The following SEMA4B variants were observed in gnomAD, a reference collection of about 807,000 sequenced individuals.
SEMA4B encodes the protein semaphorin-4B.
Under a neutral mutation model 88.1 loss-of-function variants are expected in SEMA4B, and 55 were observed. That is an observed-to-expected ratio of 0.62 (90% CI 0.50 to 0.78). The LOEUF is 0.78. Among genes scored for constraint, SEMA4B ranks in the 30% least tolerant of loss-of-function variants. The pLI is 0.00. For missense variants in SEMA4B, 1,062 were observed against 1,111.9 expected, an observed-to-expected ratio of 0.96 and a Z score of 0.64; for synonymous variants, 525 against 473.6, an observed-to-expected ratio of 1.11 and a Z score of -1.41.
At position 90,219,814 on chromosome 15, in the gene SEMA4B, A is replaced by G. The variant is rs760295450; in HGVS notation, c.406A>G (p.Lys136Glu). The G allele has an allele frequency of 6.2e-7, 1 of 1,613,496 alleles. No homozygotes were observed. The highest frequency in any genetic ancestry group is 1.7e-4 in the Middle Eastern group (1 of 6,058). Residue 136 changes from lysine to glutamate, a missense_variant, in exon 4 of 14, where the codon AAG becomes GAG. By Grantham distance (56) the Lys-to-Glu change is moderately conservative (BLOSUM62 1). Transcript: ENST00000411539. ...CCAGCGCGACTGTCAAAACTACATCAAGATCCTCCTGCCGCTCAGCGGCAG... is the reference window on the plus strand; with the variant it reads ...CCAGCGCGACTGTCAAAACTACATCGAGATCCTCCTGCCGCTCAGCGGCAG... The part of the protein sequence containing the change: ...DPQRDCQNYI[K>E]ILLPLSGSHL...
rs575224176 is a variant in SEMA4B, at chr15:90,229,586, T to C, written c.*943T>C. 3.1e-4 allele frequency: 107 copies of C among 339,886 alleles called. No individual in the cohort carries two copies. Among genetic ancestry groups the C allele is most frequent in the Admixed American group, 1.2e-3 (28 of 23,566 alleles). The allele number at this position is 339,886 out of a possible 1,614,324, so 21.1% of individuals were successfully genotyped here. ...GCCCAGCACAGGGGCCCTGAATTTA[T>C]GTGGTTTTTATACATTTTTTAATAA... On this transcript the variant is annotated 3_prime_UTR_variant, in exon 14 of 14. Coordinates refer to ENST00000411539, the MANE Select transcript of SEMA4B (RefSeq NM_198925.4).
intron 1 of SEMA4B, among the ~76,000 whole-genome samples, chr15:90,186,613 T>G (rs1238305690): frequency 2.0e-5 from 3 of 147,880 alleles, no homozygotes; most frequent in African/African-American, 7.5e-5. Context: ...AGAGTGAAAC[T>G]CCATCTCAAA....
At chr15:90,218,499 A>T (rs1277709650) in intron 3 of SEMA4B, among the ~76,000 whole-genome samples, 2 of 152,216 alleles carry the variant, frequency 1.3e-5, no homozygotes, top group African/African-American at 4.8e-5. Context: ...TTAATTGTGA[A>T]AAAGCAGGCT....
In SEMA4B at chr15:90,225,361, A is replaced by G. The variant is rs999780183; in HGVS notation, c.1485A>G (p.Gly495=). 3.2e-6 allele frequency: 5 copies of G among 1,554,356 alleles called. No homozygotes were observed. In the African/African-American group the frequency reaches 4.1e-5, roughly 13 times the overall value. ...IIEELQIFSS[G]QPVQNLLLDT... ...AGGAGCTGCAGATCTTCTCATCGGG[A>G]CAGCCCGTGCAGAATCTGCTCCTGG... Residue 495 remains glycine (G), a synonymous_variant, in exon 11 of 14, where the codon GGA becomes GGG. Coordinates refer to ENST00000411539, the MANE Select transcript of SEMA4B (RefSeq NM_198925.4).
chr15:90,186,446 C>T (rs1467713878), intron 1 of SEMA4B, among the ~76,000 whole-genome samples: 1 of 150,412 alleles, frequency 6.6e-6, no homozygotes, highest in Non-Finnish European at 1.5e-5. Flanking sequence ...GTGGTGAAAC[C>T]TCGTCTCTAG....
intron 9 of SEMA4B, 142 bp from the exon 10 acceptor site, chr15:90,224,826 G>C (rs565146137): frequency 1.4e-6 from 1 of 703,138 alleles, no homozygotes; most frequent in Admixed American, 2.1e-5. Flanking sequence ...GTGCACACTG[G>C]CTCTGTAGAG....
In SEMA4B at chr15:90,206,876, T is replaced by A. The variant is rs1389505719; in HGVS notation, c.157+5141T>A. 3 of 713,150 alleles carry A rather than the reference T, an allele frequency of 4.2e-6. No individual in the cohort carries two copies. The East Asian group carries it at 7.9e-5, about 19-fold the overall frequency. The allele number at this position is 713,150 out of a possible 1,614,324, so 44.2% of individuals were successfully genotyped here. ...GACAGAGAGGGGAAACCCCGTAAAG[T>A]GGTTGGTTGCAGTTGTATAGTAGTT... On this transcript the variant is annotated intron_variant, in intron 1 of 13. Coordinates refer to ENST00000411539, the MANE Select transcript of SEMA4B (RefSeq NM_198925.4).
intron 1 of SEMA4B, among the ~76,000 whole-genome samples, chr15:90,187,384 A>G (rs1960195743): frequency 6.6e-6 from 1 of 152,222 alleles, no homozygotes. Flanking sequence ...GCTAGAGCAG[A>G]AGACATTTGC....
upstream of SEMA4B, among the ~76,000 whole-genome samples, chr15:90,198,312 T>TC (rs1158431777): frequency 6.6e-6 from 1 of 152,196 alleles, no homozygotes; most frequent in Non-Finnish European, 1.5e-5. Flanking sequence ...CAAGTTGCAT[T>TC]CATTCATTCA....
intron 1 of SEMA4B, among the ~76,000 whole-genome samples, chr15:90,209,605 C>A (rs746022675): frequency 6.6e-6 from 1 of 152,002 alleles, no homozygotes; most frequent in Non-Finnish European, 1.5e-5. Context: ...AGACCCTCCT[C>A]ATCATCATCA....
intron 2 of SEMA4B, 48 bp from the exon 3 acceptor site, chr15:90,217,719 A>G: frequency 6.3e-7 from 1 of 1,599,128 alleles, no homozygotes; most frequent in Non-Finnish European, 8.6e-7. Flanking sequence ...AGGGAGGCTC[A>G]GCAAACCCTC....
At chr15:90,185,160 G>T (rs1462001792) in intron 1 of SEMA4B, 20 of 796,274 alleles carry the variant, frequency 2.5e-5, no homozygotes, top group Non-Finnish European at 3.0e-5. Context: ...CCGCGCAGCC[G>T]CTGCCCCCAC....
Position 90,219,839 on chromosome 15 carries a change from G to C in SEMA4B, c.431G>C (p.Ser144Thr), listed in dbSNP as rs2151617658. ...AAGATCCTCCTGCCGCTCAGCGGCA[G>C]TCACCTGTTCACCTGTGGCACAGCA... The part of the protein sequence containing the change: ...YIKILLPLSG[S>T]HLFTCGTAAF... The change falls in exon 4 of 14, where the codon AGT becomes ACT. Residue 144 changes from serine (S) to threonine (T), a missense_variant. Physicochemically the swap from Ser to Thr is moderately conservative, Grantham distance 58. Coordinates refer to ENST00000411539, the MANE Select transcript of SEMA4B (RefSeq NM_198925.4). The C allele has an allele frequency of 6.2e-7, 1 of 1,613,618 alleles. No individual in the cohort carries two copies. Among genetic ancestry groups the C allele is most frequent in the Non-Finnish European group, 8.5e-7 (1 of 1,179,810 alleles).
chr15:90,225,729 G>C lies in SEMA4B; in HGVS notation c.1590G>C (p.Arg530Ser), dbSNP rs777163451. The change falls in exon 12 of 14, where the codon AGG (arginine) becomes AGC (serine). Residue 530 changes from arginine to serine, a missense_variant. Physicochemically the swap from Arg to Ser is moderately radical, Grantham distance 110. Coordinates refer to ENST00000411539, the MANE Select transcript of SEMA4B (RefSeq NM_198925.4). Reference sequence around the variant, plus strand: ...CCATGGCCAACTGCAGCCTGTACAGGAGCTGTGGGGACTGCCTCCTCGCCC... The same window carrying C: ...CCATGGCCAACTGCAGCCTGTACAGCAGCTGTGGGGACTGCCTCCTCGCCC... Reference protein sequence around the residue: ...QVPMANCSLYRSCGDCLLARD... With the variant: ...QVPMANCSLYSSCGDCLLARD... The C allele has an allele frequency of 6.4e-7, 1 of 1,572,598 alleles. No individual in the cohort carries two copies. The highest frequency in any genetic ancestry group is 8.6e-7 in the Non-Finnish European group (1 of 1,160,022).
chr15:90,206,736 G>T, intron 1 of SEMA4B: 2 of 763,970 alleles, frequency 2.6e-6, no homozygotes, highest in Non-Finnish European at 4.6e-6. Flanking sequence ...GCATCCAACG[G>T]TGATGAGACT....
upstream of SEMA4B, among the ~76,000 whole-genome samples, chr15:90,197,591 C>T (rs1348413509): frequency 6.6e-6 from 1 of 151,704 alleles, no homozygotes; most frequent in East Asian, 2.0e-4. Context: ...GCGCCCGCCA[C>T]CACGCCCGGC....
Position 90,228,290 on chromosome 15 carries a change from A to T in SEMA4B, c.2161A>T (p.Met721Leu). ...GTCCTACTGGAAGGAGTTCCTGGTG[A>T]TGTGCACGCTCTTTGTGCTGGCCGT... Reference protein sequence around the residue: ...DRSYWKEFLVMCTLFVLAVLL... With the variant: ...DRSYWKEFLVLCTLFVLAVLL... Residue 721 changes from methionine (M) to leucine (L), a missense_variant, in exon 14 of 14, where the codon ATG (methionine) becomes TTG (leucine). Physicochemically the swap from Met to Leu is conservative, Grantham distance 15 (BLOSUM62 2). Transcript: ENST00000411539. 6.3e-7 allele frequency: 1 copy of T among 1,590,560 alleles called. No individual in the cohort carries two copies. Among genetic ancestry groups the T allele is most frequent in the Non-Finnish European group, 8.6e-7 (1 of 1,167,274 alleles).
chr15:90,186,794 G>A (rs1235396029), intron 1 of SEMA4B, among the ~76,000 whole-genome samples: 11 of 152,148 alleles, frequency 7.2e-5, no homozygotes, highest in African/African-American at 1.7e-4. Context: ...TTAGCCAGAC[G>A]TGGTGGTGGG....
At chr15:90,201,128 G>A (rs1188136178), upstream of SEMA4B, among the ~76,000 whole-genome samples, 1 of 152,136 alleles carries the variant, frequency 6.6e-6, no homozygotes, top group African/African-American at 2.4e-5. Context: ...CTGAGCAGTG[G>A]GGGCGGGGAG....
Sources: allele counts gnomAD v4.1 joint callset (sites outside exome capture counted in the v4.1 genomes callset), GRCh38; gene constraint gnomAD v4.1.1; transcripts MANE v1.5; gene names NCBI Gene and HGNC (gene_info 2026-07-23, HGNC 2026-07-21).